WASF2: variants seen among roughly 807,000 people sequenced by gnomAD.
WASF2 encodes actin-binding protein WASF2.
In WASF2, 14 loss-of-function variants were observed where a neutral mutation model predicts 45.0. The observed-to-expected ratio is 0.31, with a 90% CI of 0.21 to 0.49. WASF2 has a LOEUF of 0.49. Among genes scored for constraint, WASF2 ranks in the 20% least tolerant of loss-of-function variants. WASF2 has a pLI of 0.99. For synonymous variants in WASF2, 200 were observed against 236.3 expected, an observed-to-expected ratio of 0.85 and a Z score of 1.41; for missense variants, 439 against 636.1, an observed-to-expected ratio of 0.69 and a Z score of 3.33.
chr1:27,470,918 G>C (rs1363355515), intron 1 of WASF2, among the ~76,000 whole-genome samples: 1 of 152,160 alleles, frequency 6.6e-6, no homozygotes. Context: ...CTCAAAAGCA[G>C]ACAGCTCATG....
intron 1 of WASF2, among the ~76,000 whole-genome samples, chr1:27,444,747 C>T (rs1176315478): frequency 1.3e-5 from 2 of 152,226 alleles, no homozygotes; most frequent in African/African-American, 4.8e-5. Context: ...CAAAGGGTAT[C>T]AGTCTTCCCA....
At chr1:27,487,722 A>G (rs1366558004) in intron 1 of WASF2, among the ~76,000 whole-genome samples, 1 of 117,084 alleles carries the variant, frequency 8.5e-6, no homozygotes, top group Non-Finnish European at 1.6e-5. Context: ...AATGTATATC[A>G]TTATATTATA....
chr1:27,417,295 G>A (rs1023786383), intron 4 of WASF2, among the ~76,000 whole-genome samples: 24 of 152,242 alleles, frequency 1.6e-4, no homozygotes, highest in African/African-American at 4.6e-4. Flanking sequence ...ACTCAATAAC[G>A]GAGGCTGCAG....
intron 2 of WASF2, among the ~76,000 whole-genome samples, chr1:27,420,914 G>C (rs972419628): frequency 6.6e-6 from 1 of 152,116 alleles, no homozygotes; most frequent in Non-Finnish European, 1.5e-5. Flanking sequence ...TTTAAAGTAG[G>C]CTCTAATTTT....
At chr1:27,476,249 C>A (rs2017765468) in intron 1 of WASF2, among the ~76,000 whole-genome samples, 1 of 152,180 alleles carries the variant, frequency 6.6e-6, no homozygotes, top group Non-Finnish European at 1.5e-5. Flanking sequence ...ATATCTGAGA[C>A]TGGGTAATTT....
intron 1 of WASF2, among the ~76,000 whole-genome samples, chr1:27,450,299 TAAG>T (rs1286198919): frequency 1.3e-5 from 2 of 152,160 alleles, no homozygotes; most frequent in Non-Finnish European, 2.9e-5. Context: ...CCAAAAAGGC[TAAG>T]AAATGTCAGA....
intron 1 of WASF2, among the ~76,000 whole-genome samples, chr1:27,435,529 A>C (rs1437387882): frequency 6.7e-6 from 1 of 149,792 alleles, no homozygotes; most frequent in Non-Finnish European, 1.5e-5. Context: ...TTGAGGCTGC[A>C]GTGTGTATGA....
intron 1 of WASF2, among the ~76,000 whole-genome samples, chr1:27,430,901 G>C (rs1158889725): frequency 6.6e-6 from 1 of 151,026 alleles, no homozygotes; most frequent in Non-Finnish European, 1.5e-5. Flanking sequence ...AATACAAAAT[G>C]CTTAAACCAA....
At chr1:27,427,497 C>T (rs1040258351) in intron 2 of WASF2, among the ~76,000 whole-genome samples, 1 of 152,182 alleles carries the variant, frequency 6.6e-6, no homozygotes, top group Non-Finnish European at 1.5e-5. Context: ...TGTGCTTCCT[C>T]GTCAGCTGCA....
intron 1 of WASF2, chr1:27,459,536 G>T (rs2017517579): frequency 6.6e-6 from 1 of 151,786 alleles, no homozygotes; most frequent in African/African-American, 2.4e-5. Flanking sequence ...CAGCCACCAA[G>T]AATAGGAAAT....
intron 1 of WASF2, among the ~76,000 whole-genome samples, chr1:27,465,120 C>T (rs2017597137): frequency 6.6e-6 from 1 of 152,208 alleles, no homozygotes; most frequent in Non-Finnish European, 1.5e-5. Flanking sequence ...CTTTCAGATG[C>T]TGTTCCTCTT....
chr1:27,461,509 G>A (rs1044896389), intron 1 of WASF2, among the ~76,000 whole-genome samples: 2 of 147,194 alleles, frequency 1.4e-5, no homozygotes, highest in Admixed American at 1.4e-4. Context: ...CTCCCCGGCT[G>A]GAGTGCAGTG....
At chr1:27,474,270 G>GT (rs199692295) in intron 1 of WASF2, among the ~76,000 whole-genome samples, 96 of 143,542 alleles carry the variant, frequency 6.7e-4, no homozygotes, top group African/African-American at 2.0e-3. Context: ...TCATTAAAAA[G>GT]TTTTTTTTTT....
rs189199524 is a variant in WASF2, at chr1:27,469,313, C to T, written c.-44+20673G>A. On this transcript the variant is annotated intron_variant, in intron 1 of 8. Coordinates refer to ENST00000618852, the MANE Select transcript of WASF2 (RefSeq NM_006990.5). ...CCTCACTATATCACCCTCTCCACAT[C>T]TGTATATGTTTGAAATTTTCTATAC... 1.0e-3 allele frequency among the ~76,000 whole-genome samples: 154 copies of T among 152,162 alleles called. 1 individual carries two copies. Among genetic ancestry groups the T allele is most frequent in the Non-Finnish European group, 1.8e-3 (124 of 68,046 alleles).
chr1:27,457,309 C>T (rs2017482573), intron 1 of WASF2: 1 of 152,104 alleles, frequency 6.6e-6, no homozygotes, highest in Non-Finnish European at 1.5e-5. Flanking sequence ...GGAGCAGTGG[C>T]TCATGCCTAT....
In WASF2 at chr1:27,460,974, G is replaced by A. The variant is rs115029189; in HGVS notation, c.-44+29012C>T. ...TAACACAGTGAAACTCTGAAATCCC[G>A]TCTCTATTAAATATACAAAAAATTA... On this transcript the variant is annotated intron_variant, in intron 1 of 8. Coordinates refer to ENST00000618852, the MANE Select transcript of WASF2 (RefSeq NM_006990.5). Among the ~76,000 whole-genome samples, 1,446 of 152,028 alleles carry A rather than the reference G, an allele frequency of 9.5e-3. 28 individuals carry two copies. The highest frequency in any genetic ancestry group is 0.032 in the African/African-American group (1,340 of 41,456).
intron 1 of WASF2, among the ~76,000 whole-genome samples, chr1:27,475,449 T>A (rs1364047958): frequency 6.6e-6 from 1 of 152,214 alleles, no homozygotes; most frequent in Non-Finnish European, 1.5e-5. Flanking sequence ...TCCCTGGAAC[T>A]CTCTTCCCTC....
chr1:27,423,417 C>G (rs572398404), intron 2 of WASF2, among the ~76,000 whole-genome samples: 1 of 152,308 alleles, frequency 6.6e-6, no homozygotes, highest in East Asian at 1.9e-4. Context: ...AACTCCCAAC[C>G]TCAAGTGATC....
intron 1 of WASF2, among the ~76,000 whole-genome samples, chr1:27,477,915 T>G (rs1241979148): frequency 1.2e-5 from 1 of 85,030 alleles, no homozygotes; most frequent in Non-Finnish European, 2.0e-5. Flanking sequence ...AAAAAATAAA[T>G]AAATAAAAAA....
Sources: gnomAD v4.1 joint callset for allele counts (sites outside exome capture counted in the v4.1 genomes callset) on GRCh38, gnomAD v4.1.1 for gene constraint, MANE v1.5 for transcripts, NCBI Gene and HGNC (gene_info 2026-07-23, HGNC 2026-07-21) for gene names.